RADIL: variants seen among roughly 807,000 people sequenced by gnomAD.
RADIL encodes Rap associating with DIL domain.
Under a neutral mutation model 97.6 loss-of-function variants are expected in RADIL, and 99 were observed. The ratio of observed to expected loss-of-function variants is 1.01; its 90% CI spans 0.86 to 1.20. The LOEUF (loss-of-function observed/expected upper bound fraction) is 1.20, where lower values mean the gene tolerates loss of function less well. RADIL is among the 50% of genes most tolerant of loss of function. RADIL has a pLI of 0.00. For missense variants in RADIL, 1,765 were observed against 1,498.9 expected, an observed-to-expected ratio of 1.18 and a Z score of -2.93; for synonymous variants, 803 against 691.8, an observed-to-expected ratio of 1.16 and a Z score of -2.52.
At position 4,882,696 on chromosome 7, in the gene RADIL, G is replaced by C. The variant is rs142235866; in HGVS notation, c.-65+900C>G. 3.3e-5 allele frequency among the ~76,000 whole-genome samples: 5 copies of C among 152,228 alleles called. No homozygotes were observed. In the East Asian group the frequency reaches 9.7e-4, roughly 29 times the overall value. ...AATCCTATCTTTACAGCCCCAGCCC[G>C]AGCCACGCTTTCAAATGCAAACATA... is the stretch of plus-strand genomic sequence containing the variant. On this transcript the variant is annotated intron_variant, in intron 1 of 14. Coordinates refer to ENST00000399583, the MANE Select transcript of RADIL (RefSeq NM_018059.5).
intron 9 of RADIL, among the ~76,000 whole-genome samples, chr7:4,808,167 T>G (rs1352700332): frequency 1.6e-5 from 2 of 125,022 alleles, no homozygotes; most frequent in East Asian, 5.1e-4. Context: ...CTCTCCCCTC[T>G]CTCCCTGTAT....
intron 11 of RADIL, among the ~76,000 whole-genome samples, chr7:4,802,267 C>T (rs1025238057): frequency 1.7e-4 from 26 of 152,236 alleles, no homozygotes; most frequent in African/African-American, 5.8e-4. Flanking sequence ...CCTGTCCTCC[C>T]GGGCACCTCG....
At position 4,867,967 on chromosome 7, in the gene RADIL, C is replaced by T. The variant is rs1034709277; in HGVS notation, c.535+9638G>A. Among the ~76,000 whole-genome samples, 2 of 152,232 alleles carry T rather than the reference C, an allele frequency of 1.3e-5. No individual in the cohort carries two copies. Among genetic ancestry groups the T allele is most frequent in the African/African-American group, 4.8e-5 (2 of 41,470 alleles). ...TTCCCCATATTGGTGAGACGGCTGTCCTGCATTAGGCATTCGGTCATGGCT... is the reference window on the plus strand; with the variant it reads ...TTCCCCATATTGGTGAGACGGCTGTTCTGCATTAGGCATTCGGTCATGGCT... On this transcript the variant is annotated intron_variant, in intron 2 of 14. Transcript: ENST00000399583. The surrounding 1 kb of genome is among the most constrained non-coding windows in gnomAD (Gnocchi z 4.1).
intron 5 of RADIL, among the ~76,000 whole-genome samples, chr7:4,828,706 T>A (rs1783061750): frequency 6.6e-6 from 1 of 152,228 alleles, no homozygotes. Context: ...CGTACTGTTC[T>A]GTGTTTTGGA....
intron 2 of RADIL, among the ~76,000 whole-genome samples, chr7:4,864,906 C>T (rs1158871778): frequency 2.6e-5 from 4 of 152,198 alleles, no homozygotes; most frequent in Non-Finnish European, 2.9e-5. Context: ...CAATGACCTC[C>T]CATTATACAC....
At chr7:4,839,968 C>T (rs1313586007) in intron 2 of RADIL, among the ~76,000 whole-genome samples, 2 of 152,132 alleles carry the variant, frequency 1.3e-5, no homozygotes, top group South Asian at 2.1e-4. Flanking sequence ...AGGCTGGTCT[C>T]GAACTCCTGA....
Position 4,879,148 on chromosome 7 carries a change from C to T in RADIL, c.-64-945G>A, listed in dbSNP as rs439841. Among the ~76,000 whole-genome samples, 1 of 152,232 alleles carries T rather than the reference C, an allele frequency of 6.6e-6. No individual in the cohort carries two copies. The highest frequency in any genetic ancestry group is 1.5e-5 in the Non-Finnish European group (1 of 68,044). On this transcript the variant is annotated intron_variant, in intron 1 of 14. Transcript: ENST00000399583. The surrounding 1 kb of genome is among the most constrained non-coding windows in gnomAD (Gnocchi z 4.1). The stretch of plus-strand genomic sequence containing the variant: ...GGTGCAGGCATGGCCGGAATGCAGG[C>T]GTCCCGCCCACCACAGGCCGCGGGT...
chr7:4,836,845 C>T (rs957692789), intron 2 of RADIL, among the ~76,000 whole-genome samples: 1 of 152,004 alleles, frequency 6.6e-6, no homozygotes, highest in South Asian at 2.1e-4. Flanking sequence ...GGCTGAGGCA[C>T]GAGAATGGCT....
Position 4,824,267 on chromosome 7 carries a change from C to T in RADIL, c.1455-1713G>A, listed in dbSNP as rs1782913892. Among the ~76,000 whole-genome samples, 1 of 152,232 alleles carries T rather than the reference C, an allele frequency of 6.6e-6. No homozygotes were observed. The highest frequency in any genetic ancestry group is 1.5e-5 in the Non-Finnish European group (1 of 68,028). ...TGCTGGCCGCAGGGCATGGTGCCAG[C>T]CCAGTGCCTGACCCCAGTCCCGGGG... On this transcript the variant is annotated intron_variant, in intron 5 of 14. Transcript: ENST00000399583. The surrounding 1 kb of genome is among the most constrained non-coding windows in gnomAD (Gnocchi z 6.7).
intron 6 of RADIL, among the ~76,000 whole-genome samples, chr7:4,820,427 C>G (rs904456581): frequency 2.0e-5 from 3 of 152,210 alleles, no homozygotes; most frequent in Admixed American, 1.3e-4. Context: ...GAGGAAAGGT[C>G]TACCCTAGGC....
chr7:4,877,051 C>A, intron 2 of RADIL, among the ~76,000 whole-genome samples: 1 of 152,186 alleles, frequency 6.6e-6, no homozygotes, highest in Non-Finnish European at 1.5e-5. Flanking sequence ...GGACAATAAT[C>A]TGATCAGACA....
intron 2 of RADIL, among the ~76,000 whole-genome samples, chr7:4,877,403 C>T (rs906204169): frequency 2.0e-5 from 3 of 152,340 alleles, no homozygotes; most frequent in Admixed American, 1.3e-4. Flanking sequence ...CCACTGCACT[C>T]CAGCCTGGGT....
Position 4,835,009 on chromosome 7 carries a change from C to A in RADIL, c.1014G>T (p.Val338=). 2 of 1,611,488 alleles carry A rather than the reference C, an allele frequency of 1.2e-6. No individual in the cohort carries two copies. The highest frequency in any genetic ancestry group is 1.1e-5 in the South Asian group (1 of 90,854). The change falls in exon 4 of 15, where the codon GTG becomes GTT. Residue 338 remains valine, a synonymous_variant. Transcript: ENST00000399583. This position sits in a 1 kb window ranked among gnomAD's most constrained non-coding sequence, Gnocchi z 5.8. ...GGGAGAGCAGGTCCCCGTGGTGCAG[C>A]ACCACGGTCCTGTGCCCCACCTCGG... is the stretch of plus-strand genomic sequence containing the variant. The part of the protein sequence containing the change: ...NFSEVGHRTV[V]LHHGDLLSLG...
At chr7:4,851,481 C>A (rs902363771) in intron 2 of RADIL, among the ~76,000 whole-genome samples, 6 of 152,132 alleles carry the variant, frequency 3.9e-5, no homozygotes, top group African/African-American at 1.4e-4. Context: ...ACAGCAGAAA[C>A]CTAGATGGCT....
rs956696325 is a variant in RADIL at position 4,840,419 on chromosome 7, C to A, written c.536-3814G>T. On this transcript the variant is annotated intron_variant, in intron 2 of 14. Transcript: ENST00000399583. The surrounding 1 kb of genome is among the most constrained non-coding windows in gnomAD (Gnocchi z 5.6). The stretch of plus-strand genomic sequence containing the variant: ...TGGAGAGCATCCCTCGTGATGCTGA[C>A]CCCAGCCACCTTCAGAAGCATCGCA... Among the ~76,000 whole-genome samples, 5 of 152,102 alleles carry A rather than the reference C, an allele frequency of 3.3e-5. No homozygotes were observed. The highest frequency in any genetic ancestry group is 4.4e-5 in the Non-Finnish European group (3 of 68,028).
intron 2 of RADIL, chr7:4,859,904 A>G: frequency 6.2e-7 from 1 of 1,603,634 alleles, no homozygotes; most frequent in Non-Finnish European, 8.5e-7. Flanking sequence ...CAACTATAGG[A>G]TTAGATATGT....
Position 4,835,162 on chromosome 7 carries a change from G to A in RADIL, c.861C>T (p.Ser287=), listed in dbSNP as rs1783260478. Residue 287 remains serine (S), a synonymous_variant, in exon 4 of 15, where the codon AGC becomes AGT. Coordinates refer to ENST00000399583, the MANE Select transcript of RADIL (RefSeq NM_018059.5). This position sits in a 1 kb window ranked among gnomAD's most constrained non-coding sequence, Gnocchi z 5.8. The part of the protein sequence containing the change: ...QRTPSSKPSI[S]LSAPDILPLH... The stretch of plus-strand genomic sequence containing the variant: ...GAGGCAGGATGTCGGGGGCTGAGAG[G>A]CTGATGCTGGGCTTGCTGGAGGGGG... 6.2e-7 allele frequency: 1 copy of A among 1,611,646 alleles called. No individual in the cohort carries two copies. Among genetic ancestry groups the A allele is most frequent in the African/African-American group, 1.3e-5 (1 of 75,030 alleles).
chr7:4,828,376 T>C (rs1783053463), intron 5 of RADIL, among the ~76,000 whole-genome samples: 1 of 152,224 alleles, frequency 6.6e-6, no homozygotes, highest in African/African-American at 2.4e-5. Flanking sequence ...GGGAATCGCT[T>C]CAGCCCAGGA....
At position 4,816,363 on chromosome 7, in the gene RADIL, G is replaced by A. The variant is rs370871924; in HGVS notation, c.1831C>T (p.Arg611Cys). The A allele has an allele frequency of 6.5e-5, 105 of 1,611,120 alleles. No individual in the cohort carries two copies. The African/African-American group carries it at 1.2e-3, about 18-fold the overall frequency. The stretch of plus-strand genomic sequence containing the variant: ...GCTGCCTGGTACACAGACACCACGC[G>A]GCGCAGCTCCTCGGGCAGTTCGGGG... The part of the protein sequence containing the change: ...SAPELPEELR[R>C]VVSVYQAALD... The change falls in exon 8 of 15, where the codon CGC becomes TGC. Residue 611 changes from arginine (R) to cysteine (C), a missense_variant. Physicochemically the swap from Arg to Cys is radical, Grantham distance 180. Coordinates refer to ENST00000399583, the MANE Select transcript of RADIL (RefSeq NM_018059.5).
Sources: allele counts gnomAD v4.1 joint callset (sites outside exome capture counted in the v4.1 genomes callset), GRCh38; gene constraint gnomAD v4.1.1; non-coding constraint Gnocchi (gnomAD v3.1); transcripts MANE v1.5; gene names NCBI Gene and HGNC (gene_info 2026-07-23, HGNC 2026-07-21).